Variants in GUCY1B1 observed in about 807,000 individuals in gnomAD.
GUCY1B1 encodes guanylate cyclase 1 soluble subunit beta 1.
A neutral mutation model predicts 71.0 loss-of-function variants in GUCY1B1; 43 were observed. The observed-to-expected ratio is 0.61, with a 90% confidence interval of 0.47 to 0.78. GUCY1B1 has a LOEUF of 0.78. Ranked by LOEUF, GUCY1B1 falls within the 30% of genes least tolerant of loss-of-function variation. GUCY1B1 has a pLI of 0.00. For missense variants in GUCY1B1, 535 were observed against 754.1 expected (o/e 0.71, Z 3.40); for synonymous variants, 266 against 259.7 (o/e 1.02, Z -0.23).
intron 4 of GUCY1B1, among the ~76,000 whole-genome samples, chr4:155,778,967 T>G (rs1009183046): frequency 6.7e-6 from 1 of 150,276 alleles, no homozygotes; most frequent in Non-Finnish European, 1.5e-5. Context: ...GTTTTATTAA[T>G]TCCTTTTTTT....
chr4:155,768,710 A>T (rs550516647), intron 2 of GUCY1B1, among the ~76,000 whole-genome samples: 1 of 152,144 alleles, frequency 6.6e-6, no homozygotes, highest in Non-Finnish European at 1.5e-5. Flanking sequence ...TAAATAAAGG[A>T]TCTGCTTAAA....
At chr4:155,774,026 A>C (rs1232251035) in intron 2 of GUCY1B1, among the ~76,000 whole-genome samples, 1 of 152,078 alleles carries the variant, frequency 6.6e-6, no homozygotes, top group African/African-American at 2.4e-5. Flanking sequence ...GCAGCCTCCT[A>C]ACTGGTCTCC....
At chr4:155,775,155 C>T in intron 3 of GUCY1B1, 87 bp downstream of exon 3, 1 of 778,804 alleles carries the variant, frequency 1.3e-6, no homozygotes, top group Non-Finnish European at 2.3e-6. Flanking sequence ...CGCAGGGTTA[C>T]AGAAGTGGTG....
At chr4:155,762,833 GCAAA>G (rs1737085969) in intron 2 of GUCY1B1, among the ~76,000 whole-genome samples, 1 of 152,098 alleles carries the variant, frequency 6.6e-6, no homozygotes, top group Admixed American at 6.5e-5. Context: ...CCAGGAAAAC[GCAAA>G]CAAACAACCA....
chr4:155,775,291 T>C (rs1441995219), intron 3 of GUCY1B1, among the ~76,000 whole-genome samples: 1 of 152,146 alleles, frequency 6.6e-6, no homozygotes, highest in East Asian at 1.9e-4. Flanking sequence ...GTAAATGTGC[T>C]CTTCTTGTTG....
Position 155,774,975 on chromosome 4 carries a change from G to A in GUCY1B1, c.85G>A (p.Ala29Thr). The change falls in exon 3 of 14, where the codon GCA becomes ACA. Residue 29 changes from alanine to threonine, a missense_variant. Coordinates refer to ENST00000264424, the MANE Select transcript of GUCY1B1 (RefSeq NM_000857.5). ...PEVWEDIKKE[A>T]QLDEEGQFLV... ...CTTGTTTTTGTTTTCCAGAAAAGAG[G>A]CACAGTTAGATGAAGAAGGACAGTT... 1 of 1,551,342 alleles carries A rather than the reference G, an allele frequency of 6.4e-7. No individual in the cohort carries two copies. Among genetic ancestry groups the A allele is most frequent in the Non-Finnish European group, 8.9e-7 (1 of 1,124,914 alleles).
chr4:155,798,026 G>A (rs899459606), intron 8 of GUCY1B1, among the ~76,000 whole-genome samples: 1 of 152,058 alleles, frequency 6.6e-6, no homozygotes, highest in African/African-American at 2.4e-5. Flanking sequence ...GAGAATGTCA[G>A]CTTCTCATTA....
chr4:155,775,930 A>T (rs1438219747), intron 3 of GUCY1B1, among the ~76,000 whole-genome samples: 1 of 152,236 alleles, frequency 6.6e-6, no homozygotes, highest in Non-Finnish European at 1.5e-5. Context: ...TGAAGCTTTT[A>T]GCTTTGCCAC....
chr4:155,799,308 A>C (rs998752102), intron 8 of GUCY1B1, among the ~76,000 whole-genome samples: 4 of 152,230 alleles, frequency 2.6e-5, no homozygotes, highest in Non-Finnish European at 5.9e-5. Context: ...CAAAGTAAAA[A>C]GAAGACATGA....
intron 4 of GUCY1B1, among the ~76,000 whole-genome samples, chr4:155,783,376 C>T (rs1272369419): frequency 3.9e-5 from 6 of 152,162 alleles, no homozygotes; most frequent in African/African-American, 1.4e-4. Flanking sequence ...GCCAGGTTGA[C>T]TATGAAAATA....
chr4:155,796,434 A>G lies in GUCY1B1; in HGVS notation c.901A>G (p.Ile301Val), dbSNP rs201359483. 9.0e-5 allele frequency: 145 copies of G among 1,612,300 alleles called. No individual in the cohort carries two copies. Among genetic ancestry groups the G allele is most frequent in the Non-Finnish European group, 1.2e-4 (139 of 1,178,446 alleles). The stretch of plus-strand genomic sequence containing the variant: ...TGAGGATGAACTGACTGGGACTGAG[A>G]TCAGCTGCTTACGTCTCAAGGGTCA... Reference protein sequence around the residue: ...ECEDELTGTEISCLRLKGQMI... With the variant: ...ECEDELTGTEVSCLRLKGQMI... The change falls in exon 8 of 14, where the codon ATC (isoleucine) becomes GTC (valine). Residue 301 changes from isoleucine (I) to valine (V), a missense_variant. Physicochemically the swap from Ile to Val is conservative, Grantham distance 29. Coordinates refer to ENST00000264424, the MANE Select transcript of GUCY1B1 (RefSeq NM_000857.5).
intron 8 of GUCY1B1, among the ~76,000 whole-genome samples, chr4:155,797,970 A>C (rs920041672): frequency 1.3e-5 from 2 of 152,172 alleles, no homozygotes; most frequent in African/African-American, 2.4e-5. Flanking sequence ...CCCATCTGCT[A>C]TCAGTAAGTG....
chr4:155,788,809 A>C (rs1251525565), intron 4 of GUCY1B1, among the ~76,000 whole-genome samples: 1 of 152,166 alleles, frequency 6.6e-6, no homozygotes, highest in Non-Finnish European at 1.5e-5. Flanking sequence ...ATTGCTCTTA[A>C]TTCCTATACC....
intron 2 of GUCY1B1, among the ~76,000 whole-genome samples, chr4:155,764,194 C>T (rs1737183975): frequency 6.6e-6 from 1 of 152,114 alleles, no homozygotes; most frequent in African/African-American, 2.4e-5. Flanking sequence ...GTGATTTAAA[C>T]TTCTATACCT....
chr4:155,796,615 G>T (rs1739575860), intron 8 of GUCY1B1, 105 bp downstream of exon 8: 1 of 737,520 alleles, frequency 1.4e-6, no homozygotes, highest in South Asian at 1.9e-5. Flanking sequence ...TCTCTGAGGT[G>T]TAATTAGATT....
chr4:155,795,749 C>G (rs1579246312), intron 7 of GUCY1B1, among the ~76,000 whole-genome samples: 1 of 151,950 alleles, frequency 6.6e-6, no homozygotes, highest in South Asian at 2.1e-4. Flanking sequence ...GCTACAGTGC[C>G]TTATTTTAGA....
At chr4:155,790,114 G>T (rs191818036) in intron 5 of GUCY1B1, among the ~76,000 whole-genome samples, 284 of 152,230 alleles carry the variant, frequency 1.9e-3, no homozygotes, top group African/African-American at 6.5e-3. Flanking sequence ...TCTGGCAGCA[G>T]ATTTTTCTTT....
chr4:155,806,354 A>G (rs375929938), intron 13 of GUCY1B1, 32 bp from the exon 14 acceptor site: 5 of 1,509,786 alleles, frequency 3.3e-6, no homozygotes, highest in Non-Finnish European at 3.7e-6. Context: ...TATCACTGTA[A>G]ATCAATCCCT....
chr4:155,770,781 C>G (rs1334203495), intron 2 of GUCY1B1, among the ~76,000 whole-genome samples: 1 of 147,356 alleles, frequency 6.8e-6, no homozygotes, highest in Non-Finnish European at 1.5e-5. Context: ...GCGTCACTGT[C>G]CCCATGAAGC....
Sources: gnomAD v4.1 joint callset for allele counts (sites outside exome capture counted in the v4.1 genomes callset) on GRCh38, gnomAD v4.1.1 for gene constraint, MANE v1.5 for transcripts, NCBI Gene and HGNC (gene_info 2026-07-23, HGNC 2026-07-21) for gene names.